Variants in KSR2 observed in about 807,000 individuals in gnomAD.
KSR2 encodes the protein kinase suppressor of ras 2.
A neutral mutation model predicts 107.8 loss-of-function variants in KSR2; 25 were observed. That is an observed-to-expected ratio of 0.23 (90% CI 0.17 to 0.32). The LOEUF is 0.32. Among genes scored for constraint, KSR2 ranks in the 10% least tolerant of loss-of-function variants. The pLI is 1.00. For missense variants in KSR2, 887 were observed against 1,268.9 expected (o/e 0.70, Z 4.57); for synonymous variants, 480 against 507.0 (o/e 0.95, Z 0.71).
intron 14 of KSR2, among the ~76,000 whole-genome samples, chr12:117,499,326 G>GT (rs917605351): frequency 6.6e-6 from 1 of 151,996 alleles, no homozygotes; most frequent in Non-Finnish European, 1.5e-5. Context: ...GTTTTATAAG[G>GT]TTTTTTTTCC....
chr12:117,500,980 G>C (rs949583156), intron 14 of KSR2, among the ~76,000 whole-genome samples: 1 of 152,374 alleles, frequency 6.6e-6, no homozygotes. Context: ...CAAGACTGCA[G>C]ATACTGAGGC....
intron 5 of KSR2, among the ~76,000 whole-genome samples, chr12:117,643,447 AAAAAC>A (rs1195338482): frequency 6.6e-6 from 1 of 152,222 alleles, no homozygotes; most frequent in Non-Finnish European, 1.5e-5. Context: ...ACTCTATCTC[AAAAAC>A]AAAACAAAAC....
In KSR2 at chr12:117,731,193, G is replaced by A. The variant is rs181622307; in HGVS notation, c.986+29818C>T. ...TGGGAACTGAGGAGTGTCTCTGCCC[G>A]GCCGCCACCCCGTCTGGGAGGTGAG... On this transcript the variant is annotated intron_variant, in intron 4 of 19. Coordinates refer to ENST00000339824, the MANE Select transcript of KSR2 (RefSeq NM_173598.6). Among the ~76,000 whole-genome samples, 1,312 of 143,792 alleles carry A rather than the reference G, an allele frequency of 9.1e-3. 30 individuals are homozygous for A. The highest frequency in any genetic ancestry group is 0.032 in the African/African-American group (1,221 of 38,214). 94.3% of individuals were successfully genotyped at this position (143,792 alleles called of 152,430 possible).
At chr12:117,552,248 C>T (rs748907300) in intron 9 of KSR2, among the ~76,000 whole-genome samples, 5 of 152,170 alleles carry the variant, frequency 3.3e-5, no homozygotes, top group Non-Finnish European at 7.3e-5. Flanking sequence ...ACACTGAGTG[C>T]ATTTAAATGT....
intron 3 of KSR2, among the ~76,000 whole-genome samples, chr12:117,811,107 T>C (rs981788907): frequency 1.3e-5 from 2 of 152,032 alleles, no homozygotes; most frequent in Non-Finnish European, 2.9e-5. Context: ...AGAAGGCCCG[T>C]ACTTGGAGGG....
chr12:117,748,373 T>C (rs1365656729), intron 4 of KSR2, among the ~76,000 whole-genome samples: 2 of 152,196 alleles, frequency 1.3e-5, no homozygotes, highest in Admixed American at 1.3e-4. Context: ...TCAGATCTAT[T>C]GCACAGCATG....
chr12:117,619,644 G>C, intron 5 of KSR2, among the ~76,000 whole-genome samples: 1 of 150,316 alleles, frequency 6.7e-6, no homozygotes, highest in Middle Eastern at 3.2e-3. Flanking sequence ...GTATATGTGA[G>C]TGTTGTTATT....
chr12:117,887,146 A>G (rs1244199498), intron 1 of KSR2, among the ~76,000 whole-genome samples: 1 of 151,202 alleles, frequency 6.6e-6, no homozygotes, highest in Non-Finnish European at 1.5e-5. Flanking sequence ...CTGGTCTCGA[A>G]CTCCTGGGCT....
intron 10 of KSR2, among the ~76,000 whole-genome samples, chr12:117,533,558 C>T (rs1021470888): frequency 2.6e-5 from 4 of 152,190 alleles, no homozygotes; most frequent in African/African-American, 7.2e-5. Flanking sequence ...AATCACCCTC[C>T]ATGACTTCAG....
intron 5 of KSR2, among the ~76,000 whole-genome samples, chr12:117,661,596 T>C (rs1361186597): frequency 1.3e-5 from 2 of 152,150 alleles, no homozygotes; most frequent in African/African-American, 2.4e-5. Context: ...AAAACTGCCA[T>C]ATAACCCGGG....
At chr12:117,855,372 C>T (rs1480675833) in intron 3 of KSR2, 56 bp downstream of exon 3, 15 of 1,600,546 alleles carry the variant, frequency 9.4e-6, no homozygotes, top group African/African-American at 6.7e-5. Flanking sequence ...GCCGAGGGAC[C>T]GCGGCAGCTG....
At position 117,785,290 on chromosome 12, in the gene KSR2, C is replaced by CACA. The variant is rs1890025949; in HGVS notation, c.473-23767_473-23766insTGT. ...ATTAGCTGGGCATGGTGGCGGGTGCCTGTAGTCCCAGCTACTTGGGAGGTT... is the reference window on the plus strand; with the variant it reads ...ATTAGCTGGGCATGGTGGCGGGTGCCACATGTAGTCCCAGCTACTTGGGAGGTT... On this transcript the variant is annotated intron_variant, in intron 3 of 19. Coordinates refer to ENST00000339824, the MANE Select transcript of KSR2 (RefSeq NM_173598.6). Among the ~76,000 whole-genome samples, 6 of 152,022 alleles carry CACA rather than the reference C, an allele frequency of 3.9e-5. No homozygotes were observed. In the South Asian group the frequency reaches 1.2e-3, roughly 32 times the overall value.
At chr12:117,794,238 C>T (rs534575564) in intron 3 of KSR2, among the ~76,000 whole-genome samples, 1 of 85,272 alleles carries the variant, frequency 1.2e-5, no homozygotes, top group South Asian at 4.8e-4. Flanking sequence ...AACATGCACA[C>T]TCACACCAAC....
chr12:117,847,560 C>T (rs1892748954), intron 3 of KSR2, among the ~76,000 whole-genome samples: 1 of 152,210 alleles, frequency 6.6e-6, no homozygotes, highest in African/African-American at 2.4e-5. Flanking sequence ...CATCTGTCAC[C>T]TGCTCTAAGC....
chr12:117,657,864 T>C (rs1884253354), intron 5 of KSR2, among the ~76,000 whole-genome samples: 1 of 152,252 alleles, frequency 6.6e-6, no homozygotes, highest in Admixed American at 6.5e-5. Context: ...AGTCACTGCC[T>C]TCATGGAACT....
chr12:117,845,195 C>T (rs377387481), intron 3 of KSR2, among the ~76,000 whole-genome samples: 1 of 152,188 alleles, frequency 6.6e-6, no homozygotes, highest in East Asian at 1.9e-4. Flanking sequence ...CATCAGACAG[C>T]GAGCCCCTTT....
chr12:117,767,008 T>C (rs112096731), intron 3 of KSR2, among the ~76,000 whole-genome samples: 6,072 of 151,658 alleles, frequency 0.04, 458 homozygotes, highest in African/African-American at 0.14. Flanking sequence ...CCTCAGCCTC[T>C]CGAGTAGTTG....
At chr12:117,688,396 C>A (rs1443603357) in intron 4 of KSR2, among the ~76,000 whole-genome samples, 1 of 152,128 alleles carries the variant, frequency 6.6e-6, no homozygotes, top group Non-Finnish European at 1.5e-5. Context: ...AAGTCTATAG[C>A]TCAATTTTTT....
At chr12:117,562,129 GT>G (rs1177032355) in intron 7 of KSR2, among the ~76,000 whole-genome samples, 1 of 152,182 alleles carries the variant, frequency 6.6e-6, no homozygotes, top group Non-Finnish European at 1.5e-5. Flanking sequence ...GGGAAGCCGA[GT>G]TCCAGCACAA....
Sources: gnomAD v4.1 joint callset for allele counts (sites outside exome capture counted in the v4.1 genomes callset) on GRCh38, gnomAD v4.1.1 for gene constraint, MANE v1.5 for transcripts, NCBI Gene and HGNC (gene_info 2026-07-23, HGNC 2026-07-21) for gene names.